The following GPC6 variants were observed in gnomAD, a reference collection of about 807,000 sequenced individuals.
GPC6 encodes glypican-6.
GPC6 carries 14 observed loss-of-function variants against 55.2 expected under a neutral mutation model. The ratio of observed to expected loss-of-function variants is 0.25; its 90% CI spans 0.17 to 0.40. The LOEUF is 0.40. Among genes scored for constraint, GPC6 ranks in the 10% least tolerant of loss-of-function variants. The pLI is 1.00. For missense variants in GPC6, 641 were observed against 708.5 expected (o/e 0.90, Z 1.08); for synonymous variants, 278 against 259.6 (o/e 1.07, Z -0.68).
intron 2 of GPC6, among the ~76,000 whole-genome samples, chr13:93,823,078 C>T (rs12100423): frequency 0.029 from 4,433 of 151,638 alleles, 79 homozygotes; most frequent in South Asian, 0.064. Flanking sequence ...TTAGCCAGGA[C>T]GGTCTCGATC....
chr13:94,272,463 CTTTTTTTT>C (rs555664508), intron 4 of GPC6, among the ~76,000 whole-genome samples: 4 of 85,740 alleles, frequency 4.7e-5, no homozygotes, highest in East Asian at 3.1e-4. Context: ...CTTTTCTTTT[CTTTTTTTT>C]TTTTTTTTTT....
chr13:93,685,453 T>C (rs1429673991), intron 2 of GPC6, among the ~76,000 whole-genome samples: 1 of 152,214 alleles, frequency 6.6e-6, no homozygotes, highest in African/African-American at 2.4e-5. Context: ...GCTAGTTTTT[T>C]GTATTTTGTT....
chr13:93,348,852 T>A (rs1275563351), intron 1 of GPC6, among the ~76,000 whole-genome samples: 1 of 152,172 alleles, frequency 6.6e-6, no homozygotes, highest in East Asian at 1.9e-4. Flanking sequence ...GTCTTTTATT[T>A]CCTCCCTTAG....
At chr13:93,267,955 A>G (rs760518408) in intron 1 of GPC6, among the ~76,000 whole-genome samples, 2 of 152,326 alleles carry the variant, frequency 1.3e-5, no homozygotes, top group Non-Finnish European at 2.9e-5. Context: ...CATGTTTTCC[A>G]TACTTGTTAA....
chr13:93,545,984 T>A (rs1267677682), intron 2 of GPC6, among the ~76,000 whole-genome samples: 1 of 152,262 alleles, frequency 6.6e-6, no homozygotes, highest in Non-Finnish European at 1.5e-5. Flanking sequence ...ATTCTATTTG[T>A]TAAATAAACA....
chr13:93,967,315 C>G (rs1027445004), intron 3 of GPC6, among the ~76,000 whole-genome samples: 10 of 152,116 alleles, frequency 6.6e-5, no homozygotes, highest in Non-Finnish European at 1.5e-4. Context: ...GCTACATATA[C>G]TATGATTAAA....
intron 4 of GPC6, among the ~76,000 whole-genome samples, chr13:94,120,098 T>C (rs1264216821): frequency 6.6e-6 from 1 of 151,972 alleles, no homozygotes; most frequent in Non-Finnish European, 1.5e-5. Flanking sequence ...TTTTTAAGAA[T>C]GGCTGCGTTT....
intron 2 of GPC6, among the ~76,000 whole-genome samples, chr13:93,709,466 A>G (rs549087436): frequency 1.3e-5 from 2 of 151,878 alleles, no homozygotes; most frequent in East Asian, 2.0e-4. Context: ...TGACATTTTT[A>G]TATTGAAGTT....
chr13:93,695,337 C>G (rs1027286636), intron 2 of GPC6, among the ~76,000 whole-genome samples: 9 of 151,942 alleles, frequency 5.9e-5, no homozygotes, highest in Non-Finnish European at 1.0e-4. Flanking sequence ...AATATTCCAA[C>G]ATGTTATTTT....
intron 2 of GPC6, among the ~76,000 whole-genome samples, chr13:93,787,560 T>G (rs930691640): frequency 6.6e-6 from 1 of 152,240 alleles, no homozygotes; most frequent in Non-Finnish European, 1.5e-5. Flanking sequence ...TTATTTTTAT[T>G]GATACGTATT....
chr13:93,494,685 C>T (rs956214369), intron 1 of GPC6, among the ~76,000 whole-genome samples: 1 of 151,930 alleles, frequency 6.6e-6, no homozygotes, highest in South Asian at 2.1e-4. Context: ...CCATGTTTAG[C>T]ACTTCCTTCA....
chr13:93,745,296 T>C (rs1025814398), intron 2 of GPC6, among the ~76,000 whole-genome samples: 2 of 152,132 alleles, frequency 1.3e-5, no homozygotes, highest in Admixed American at 6.6e-5. Flanking sequence ...TCCCTCTATG[T>C]CCCATGCCTT....
intron 3 of GPC6, among the ~76,000 whole-genome samples, chr13:93,973,692 A>C (rs1880389847): frequency 6.6e-6 from 1 of 152,194 alleles, no homozygotes; most frequent in South Asian, 2.1e-4. Context: ...CTTTCTCACC[A>C]ATATTTACCC....
chr13:93,917,404 A>C (rs1299584076), intron 3 of GPC6, among the ~76,000 whole-genome samples: 1 of 152,154 alleles, frequency 6.6e-6, no homozygotes, highest in Non-Finnish European at 1.5e-5. Context: ...TGCCACACAC[A>C]AAAAAACATT....
rs141244417 is a variant in GPC6, at chr13:94,383,634, A to G, written c.1289+1084A>G. The stretch of plus-strand genomic sequence containing the variant: ...GGCTATTAAGTTGAGAAGAAACTGC[A>G]GAAGTTAAGCAGGAGGTGCAAGGGA... On this transcript the variant is annotated intron_variant, in intron 7 of 8. Coordinates refer to ENST00000377047, the MANE Select transcript of GPC6 (RefSeq NM_005708.5). 4.1e-3 allele frequency among the ~76,000 whole-genome samples: 632 copies of G among 152,316 alleles called. 1 individual carries two copies. The highest frequency in any genetic ancestry group is 0.014 in the African/African-American group (588 of 41,574).
At chr13:93,993,642 T>C (rs1390994212) in intron 3 of GPC6, among the ~76,000 whole-genome samples, 1 of 152,172 alleles carries the variant, frequency 6.6e-6, no homozygotes, top group Non-Finnish European at 1.5e-5. Flanking sequence ...TCATGAAGTA[T>C]AAAAATAAAC....
At chr13:94,380,777 A>C (rs1465583105) in intron 6 of GPC6, among the ~76,000 whole-genome samples, 1 of 152,210 alleles carries the variant, frequency 6.6e-6, no homozygotes, top group Non-Finnish European at 1.5e-5. Context: ...CTATCACAAT[A>C]ATGTCTTTTA....
At chr13:93,461,676 G>A (rs1158875045) in intron 1 of GPC6, among the ~76,000 whole-genome samples, 2 of 151,992 alleles carry the variant, frequency 1.3e-5, no homozygotes, top group Admixed American at 1.3e-4. Context: ...GGGGGTTGGG[G>A]GGGGGTGTTG....
At chr13:93,953,641 C>G (rs1467238249) in intron 3 of GPC6, among the ~76,000 whole-genome samples, 7 of 152,184 alleles carry the variant, frequency 4.6e-5, no homozygotes, top group African/African-American at 1.7e-4. Flanking sequence ...ACATTCTAAA[C>G]TCAAATCATA....
Sources: gnomAD v4.1 joint callset for allele counts (sites outside exome capture counted in the v4.1 genomes callset) on GRCh38, gnomAD v4.1.1 for gene constraint, MANE v1.5 for transcripts, NCBI Gene and HGNC (gene_info 2026-07-23, HGNC 2026-07-21) for gene names.